LRRC4C: variants seen among roughly 807,000 people sequenced by gnomAD.
LRRC4C encodes leucine rich repeat containing 4C.
A neutral mutation model predicts 33.6 loss-of-function variants in LRRC4C; 5 were observed. The observed-to-expected ratio is 0.15, with a 90% CI of 0.08 to 0.31. The LOEUF (loss-of-function observed/expected upper bound fraction) is 0.31. Among genes scored for constraint, LRRC4C ranks in the 10% least tolerant of loss-of-function variants. The pLI is 1.00. For synonymous variants in LRRC4C, 329 were observed against 302.0 expected (o/e 1.09, Z -0.93); for missense variants, 560 against 796.7 (o/e 0.70, Z 3.58).
chr11:40,495,813 GTTTTTTTTTTTTTTTTTTTT>G lies in LRRC4C; in HGVS notation c.-270+152309_-270+152328del, dbSNP rs77683172. On this transcript the variant is annotated intron_variant, in intron 3 of 6. Transcript: ENST00000528697. ...TTTTATTGAAGTTCTCAATAAACATGTTTTTTTTTTTTTTTTTTTTTTTTTTTTTTTTTTTTGAGAGAGTC... is the reference window on the plus strand; with the variant it reads ...TTTTATTGAAGTTCTCAATAAACATGTTTTTTTTTTTTTTTTGAGAGAGTC... Among the ~76,000 whole-genome samples the G allele has an allele frequency of 8.8e-4, 59 of 67,014 alleles. 2 individuals carry two copies. Among genetic ancestry groups the G allele is most frequent in the South Asian group, 4.7e-3 (8 of 1,696 alleles). 44.0% of individuals were successfully genotyped at this position (67,014 alleles called of 152,430 possible). A position where few individuals can be genotyped will look rare whatever the true frequency, so the allele number is the denominator to read the frequency against.
At chr11:40,752,185 T>C (rs1948722889) in intron 2 of LRRC4C, among the ~76,000 whole-genome samples, 1 of 152,054 alleles carries the variant, frequency 6.6e-6, no homozygotes, top group Admixed American at 6.6e-5. Flanking sequence ...TTCAAGACGT[T>C]GGTTTAGGCA....
chr11:40,157,778 G>A (rs545104599), intron 5 of LRRC4C, among the ~76,000 whole-genome samples: 31 of 152,138 alleles, frequency 2.0e-4, no homozygotes, highest in Admixed American at 7.9e-4. Context: ...GCATGGATGC[G>A]GTGAACAGGG....
intron 1 of LRRC4C, among the ~76,000 whole-genome samples, chr11:41,171,142 T>G (rs1382134759): frequency 6.6e-6 from 1 of 151,998 alleles, no homozygotes; most frequent in Non-Finnish European, 1.5e-5. Context: ...AGGAACACTT[T>G]TACACTGTTG....
Position 40,739,688 on chromosome 11 carries a change from T to A in LRRC4C, c.-406-91410A>T, listed in dbSNP as rs538016149. ...TGATATTGAGTGAGTTCTCATGATA[T>A]CTGATACGGTTATAAGCATCTGGCA... On this transcript the variant is annotated intron_variant, in intron 2 of 6. Transcript: ENST00000528697. Among the ~76,000 whole-genome samples the A allele has an allele frequency of 2.6e-5, 4 of 152,104 alleles. No individual in the cohort carries two copies. In the South Asian group the frequency reaches 8.3e-4, roughly 32 times the overall value.
rs74681691 is a variant in LRRC4C, at chr11:41,072,544, C to T, written c.-495-138821G>A. ...TTGCCATGTGAAGAGGTGCTTGTTT[C>T]CCTTCCCCTCTTCAGTCATGATTGT... On this transcript the variant is annotated intron_variant, in intron 1 of 6. Coordinates refer to ENST00000528697, the MANE Select transcript of LRRC4C (RefSeq NM_001258419.2). 3.6e-3 allele frequency among the ~76,000 whole-genome samples: 545 copies of T among 152,070 alleles called. 5 individuals carry two copies. Among genetic ancestry groups the T allele is most frequent in the Non-Finnish European group, 5.9e-3 (404 of 67,974 alleles).
chr11:40,708,685 T>C (rs1946302096), intron 2 of LRRC4C, among the ~76,000 whole-genome samples: 2 of 152,190 alleles, frequency 1.3e-5, no homozygotes, highest in South Asian at 4.1e-4. Flanking sequence ...AGAATGTATA[T>C]TCTGTTGGGG....
intron 3 of LRRC4C, among the ~76,000 whole-genome samples, chr11:40,459,692 A>C (rs952773376): frequency 9.2e-5 from 14 of 152,174 alleles, no homozygotes; most frequent in African/African-American, 3.1e-4. Flanking sequence ...CGAAAGAAGA[A>C]CAAGGGTGAT....
chr11:40,592,459 C>G (rs915423460), intron 3 of LRRC4C, among the ~76,000 whole-genome samples: 1 of 152,146 alleles, frequency 6.6e-6, no homozygotes, highest in African/African-American at 2.4e-5. Flanking sequence ...GCTATTAATC[C>G]TACTAGTCTG....
At chr11:41,331,894 C>T (rs1008173495) in intron 1 of LRRC4C, among the ~76,000 whole-genome samples, 2 of 152,180 alleles carry the variant, frequency 1.3e-5, no homozygotes, top group African/African-American at 2.4e-5. Flanking sequence ...GTTATCTTCT[C>T]AACATACTTC....
chr11:41,233,899 G>A (rs991849143), intron 1 of LRRC4C, among the ~76,000 whole-genome samples: 11 of 151,754 alleles, frequency 7.2e-5, no homozygotes, highest in African/African-American at 2.7e-4. Flanking sequence ...AAGGGGGCAG[G>A]AGGGAAACCC....
At chr11:40,641,311 G>T (rs2136088768) in intron 3 of LRRC4C, among the ~76,000 whole-genome samples, 1 of 152,156 alleles carries the variant, frequency 6.6e-6, no homozygotes, top group Middle Eastern at 3.4e-3. Flanking sequence ...AAATATATTT[G>T]ACCTATTTTA....
intron 2 of LRRC4C, among the ~76,000 whole-genome samples, chr11:40,873,399 A>G (rs928610877): frequency 2.6e-5 from 4 of 152,136 alleles, no homozygotes; most frequent in Non-Finnish European, 2.9e-5. Context: ...GGAGCCTCTC[A>G]GGTGTGCCGT....
chr11:40,633,389 TTCTTTC>T (rs1963675950), intron 3 of LRRC4C, among the ~76,000 whole-genome samples: 1 of 112,930 alleles, frequency 8.9e-6, no homozygotes, highest in African/African-American at 3.5e-5. Flanking sequence ...CTTTCTTTCT[TTCTTTC>T]TTTTTTTTTT....
At chr11:40,997,514 T>A (rs1463745941) in intron 1 of LRRC4C, among the ~76,000 whole-genome samples, 1 of 152,044 alleles carries the variant, frequency 6.6e-6, no homozygotes, top group Non-Finnish European at 1.5e-5. Context: ...AATCAGATTA[T>A]CAATAAGGTG....
intron 5 of LRRC4C, among the ~76,000 whole-genome samples, chr11:40,151,532 T>C (rs1284902789): frequency 6.6e-6 from 1 of 152,246 alleles, no homozygotes; most frequent in Non-Finnish European, 1.5e-5. Flanking sequence ...TCAAGTCAAG[T>C]ATAATGTTTC....
intron 1 of LRRC4C, among the ~76,000 whole-genome samples, chr11:40,951,079 G>A (rs959427907): frequency 6.6e-6 from 1 of 151,600 alleles, no homozygotes. Context: ...ATAAACTAAT[G>A]GAAATAATGC....
At chr11:41,082,986 T>A (rs1187710438) in intron 1 of LRRC4C, among the ~76,000 whole-genome samples, 1 of 152,080 alleles carries the variant, frequency 6.6e-6, no homozygotes, top group Admixed American at 6.6e-5. Flanking sequence ...TAATATGAAA[T>A]GTCCACGCTT....
At chr11:41,172,200 G>A (rs1945005489) in intron 1 of LRRC4C, among the ~76,000 whole-genome samples, 1 of 152,096 alleles carries the variant, frequency 6.6e-6, no homozygotes, top group African/African-American at 2.4e-5. Flanking sequence ...CAAGCTACAA[G>A]AAAGCCAGCA....
At chr11:40,960,343 T>C (rs1159286599) in intron 1 of LRRC4C, among the ~76,000 whole-genome samples, 1 of 151,860 alleles carries the variant, frequency 6.6e-6, no homozygotes, top group Non-Finnish European at 1.5e-5. Flanking sequence ...TAAGAAATTA[T>C]TTGAACTTAG....
Sources: allele counts gnomAD v4.1 joint callset (sites outside exome capture counted in the v4.1 genomes callset), GRCh38; gene constraint gnomAD v4.1.1; transcripts MANE v1.5; gene names NCBI Gene and HGNC (gene_info 2026-07-23, HGNC 2026-07-21).